Variants in FER observed in about 807,000 individuals in gnomAD.
The protein encoded by FER is FER tyrosine kinase.
FER carries 63 observed loss-of-function variants against 111.0 expected under a neutral mutation model. The observed-to-expected ratio is 0.57, with a 90% CI of 0.46 to 0.70. The LOEUF is 0.70. Among genes scored for constraint, FER ranks in the 30% least tolerant of loss-of-function variants. The pLI is 0.00. For missense variants in FER, 914 were observed against 954.0 expected (o/e 0.96, Z 0.55); for synonymous variants, 327 against 313.9 (o/e 1.04, Z -0.44).
At chr5:108,891,199 T>G (rs891271065) in intron 9 of FER, among the ~76,000 whole-genome samples, 1 of 152,172 alleles carries the variant, frequency 6.6e-6, no homozygotes, top group African/African-American at 2.4e-5. Context: ...CCTGTTCAAC[T>G]TTTTTGCTCA....
At chr5:109,020,679 A>G (rs758883192) in intron 13 of FER, among the ~76,000 whole-genome samples, 17 of 152,114 alleles carry the variant, frequency 1.1e-4, no homozygotes, top group Non-Finnish European at 2.4e-4. Context: ...AACTTTTGGC[A>G]CACACTTCGC....
intron 17 of FER, among the ~76,000 whole-genome samples, chr5:109,126,357 C>A (rs1471282175): frequency 6.6e-6 from 1 of 152,106 alleles, no homozygotes; most frequent in African/African-American, 2.4e-5. Flanking sequence ...GCAACAGGAG[C>A]AATACTCTTT....
intron 17 of FER, among the ~76,000 whole-genome samples, chr5:109,102,316 A>G (rs937820520): frequency 2.0e-5 from 3 of 152,128 alleles, no homozygotes; most frequent in Non-Finnish European, 4.4e-5. Context: ...CCATTTGCCT[A>G]CTGGGAAGGT....
At chr5:109,021,978 A>G (rs1286837940) in intron 13 of FER, among the ~76,000 whole-genome samples, 2 of 152,092 alleles carry the variant, frequency 1.3e-5, no homozygotes, top group Admixed American at 6.6e-5. Flanking sequence ...AGATAATTAT[A>G]GGTTCATCAT....
chr5:109,068,180 C>T (rs1775341562), intron 16 of FER, among the ~76,000 whole-genome samples: 2 of 144,860 alleles, frequency 1.4e-5, no homozygotes, highest in African/African-American at 5.1e-5. Context: ...TCAGTCATCT[C>T]TTTTTTTTTT....
intron 16 of FER, among the ~76,000 whole-genome samples, chr5:109,067,514 T>TA (rs1775255002): frequency 6.6e-6 from 1 of 152,168 alleles, no homozygotes; most frequent in Admixed American, 6.5e-5. Context: ...TGATAGCTTA[T>TA]ACACTGTTCT....
chr5:108,963,029 A>G (rs1487486641), intron 13 of FER, among the ~76,000 whole-genome samples: 1 of 152,174 alleles, frequency 6.6e-6, no homozygotes, highest in East Asian at 1.9e-4. Flanking sequence ...AATATATCAA[A>G]AACTATTTGT....
intron 9 of FER, among the ~76,000 whole-genome samples, chr5:108,886,071 T>C (rs1279161524): frequency 3.9e-5 from 6 of 151,900 alleles, no homozygotes; most frequent in Non-Finnish European, 8.8e-5. Context: ...TATTTTAAAA[T>C]TTAGTGGATA....
rs188187576 is a variant in FER, at chr5:109,123,889, A to C, written c.2048+23370A>C. 1.4e-4 allele frequency among the ~76,000 whole-genome samples: 21 copies of C among 152,294 alleles called. No individual in the cohort carries two copies. The East Asian group carries it at 4.1e-3, about 29-fold the overall frequency. On this transcript the variant is annotated intron_variant, in intron 17 of 19. Coordinates refer to ENST00000281092, the MANE Select transcript of FER (RefSeq NM_005246.4). ...TTACACTGTGGGCTTATGTTGTTCT[A>C]TGTTTACATTTGTATGTTTACATTA...
chr5:108,896,419 C>T (rs75528784), intron 9 of FER, among the ~76,000 whole-genome samples: 10,783 of 152,200 alleles, frequency 0.071, 471 homozygotes, highest in South Asian at 0.12. Flanking sequence ...GAACACAGAT[C>T]ACAGACTGTT....
At chr5:108,925,194 A>G (rs1419789663) in intron 10 of FER, among the ~76,000 whole-genome samples, 2 of 151,408 alleles carry the variant, frequency 1.3e-5, no homozygotes, top group African/African-American at 2.4e-5. Context: ...TGATATTAAG[A>G]TTTCTATTTT....
At chr5:109,020,409 C>T (rs927543167) in intron 13 of FER, among the ~76,000 whole-genome samples, 4 of 151,924 alleles carry the variant, frequency 2.6e-5, no homozygotes, top group Non-Finnish European at 5.9e-5. Context: ...TTTAAAGAAT[C>T]TTCTAAAACT....
chr5:109,136,726 A>C (rs1289782623), intron 17 of FER, among the ~76,000 whole-genome samples: 2 of 151,674 alleles, frequency 1.3e-5, no homozygotes, highest in African/African-American at 4.9e-5. Flanking sequence ...CTACCTTCAG[A>C]TCTAGGCTTT....
chr5:109,132,560 T>C (rs1317118873), intron 17 of FER, among the ~76,000 whole-genome samples: 1 of 152,084 alleles, frequency 6.6e-6, no homozygotes, highest in Non-Finnish European at 1.5e-5. Context: ...ACTTTGACTG[T>C]TAAAAGGCCT....
intron 8 of FER, among the ~76,000 whole-genome samples, chr5:108,882,114 G>C (rs145492535): frequency 7.2e-5 from 11 of 151,882 alleles, no homozygotes; most frequent in Admixed American, 7.2e-4. Context: ...AATCAATATT[G>C]CAACAAATAT....
At chr5:108,844,096 A>ATG (rs752248298) in intron 5 of FER, among the ~76,000 whole-genome samples, 1 of 147,458 alleles carries the variant, frequency 6.8e-6, no homozygotes, top group African/African-American at 2.5e-5. Flanking sequence ...GTGTGAACAT[A>ATG]TGTGTGTGAA....
At chr5:109,014,225 T>G (rs2149811172) in intron 13 of FER, among the ~76,000 whole-genome samples, 1 of 152,138 alleles carries the variant, frequency 6.6e-6, no homozygotes, top group African/African-American at 2.4e-5. Context: ...GGTCTAACGT[T>G]TAAGTCTTTA....
chr5:109,052,017 C>T (rs757398246), intron 16 of FER: 155 of 1,590,920 alleles, frequency 9.7e-5, no homozygotes, highest in Non-Finnish European at 1.2e-4. Context: ...ACCCCCCTTG[C>T]ATTTTCACCT....
intron 8 of FER, among the ~76,000 whole-genome samples, chr5:108,873,165 G>C (rs1415273144): frequency 6.6e-6 from 1 of 151,932 alleles, no homozygotes; most frequent in Non-Finnish European, 1.5e-5. Flanking sequence ...TTAATTTTGA[G>C]ATGAGGTCTC....
Sources: allele counts gnomAD v4.1 joint callset (sites outside exome capture counted in the v4.1 genomes callset), GRCh38; gene constraint gnomAD v4.1.1; transcripts MANE v1.5; gene names NCBI Gene and HGNC (gene_info 2026-07-23, HGNC 2026-07-21).